Variants in EZH2 observed in about 807,000 individuals in gnomAD.
EZH2 encodes histone-lysine N-methyltransferase EZH2.
A neutral mutation model predicts 98.4 loss-of-function variants in EZH2; 18 were observed. The ratio of observed to expected loss-of-function variants is 0.18; its 90% CI spans 0.13 to 0.27. The LOEUF is 0.27. EZH2 is among the 10% of genes least tolerant of loss of function. The pLI, the probability that EZH2 is intolerant of heterozygous loss-of-function variation, is 1.00. For synonymous variants in EZH2, 338 were observed against 312.3 expected, an observed-to-expected ratio of 1.08 and a Z score of -0.87; for missense variants, 470 against 935.1, an observed-to-expected ratio of 0.50 and a Z score of 6.49.
intron 1 of EZH2, among the ~76,000 whole-genome samples, chr7:148,871,577 CTT>C (rs376098406): frequency 9.6e-5 from 13 of 135,212 alleles, no homozygotes; most frequent in Admixed American, 7.5e-5. Context: ...AGTGTATTTT[CTT>C]TTTTTTTTTT....
At chr7:148,851,325 T>A (rs769101309) in intron 1 of EZH2, among the ~76,000 whole-genome samples, 4 of 152,118 alleles carry the variant, frequency 2.6e-5, no homozygotes, top group Non-Finnish European at 4.4e-5. Flanking sequence ...GTTTCCGGAA[T>A]TTCTTTTTTA....
rs762768402 is a variant in EZH2, at chr7:148,817,378, C to T, written c.1254G>A (p.Arg418=). The change falls in exon 11 of 20, where the codon CGG becomes CGA. Residue 418 remains arginine (R), a synonymous_variant. Coordinates refer to ENST00000320356, the MANE Select transcript of EZH2 (RefSeq NM_004456.5). ...GCTTCATCTTTATTGGTGTTTGACA[C>T]CGAGAATTTGCTTCTACAAAACCAA... ...ETSSSSEANS[R]CQTPIKMKPN... 6.2e-7 allele frequency: 1 copy of T among 1,612,452 alleles called. No homozygotes were observed. Among genetic ancestry groups the T allele is most frequent in the African/African-American group, 1.3e-5 (1 of 74,850 alleles).
At chr7:148,834,352 TACAC>T (rs10542159) in intron 3 of EZH2, among the ~76,000 whole-genome samples, 23,502 of 143,162 alleles carry the variant, frequency 0.16, 1,943 homozygotes, top group Middle Eastern at 0.21. Context: ...TATATATATA[TACAC>T]ACACACACAC....
At chr7:148,845,483 G>C (rs1813768682) in intron 3 of EZH2, among the ~76,000 whole-genome samples, 1 of 152,112 alleles carries the variant, frequency 6.6e-6, no homozygotes, top group African/African-American at 2.4e-5. Flanking sequence ...TCACCATCAA[G>C]ACCACCAGAA....
rs60020948 is a variant in EZH2 at position 148,839,053 on chromosome 7, TAAGG to T, written c.247-6307_247-6304del. ...GGTAATAGAGCAAAACTCTGTCAAA[TAAGG>T]AAGGAAGGAAGGAAGGAAGGAAGGA... On this transcript the variant is annotated intron_variant, in intron 3 of 19. Transcript: ENST00000320356. 9.4e-3 allele frequency among the ~76,000 whole-genome samples: 1,009 copies of T among 107,804 alleles called. 6 individuals are homozygous for T. The highest frequency in any genetic ancestry group is 0.016 in the Admixed American group (155 of 9,842). 70.7% of individuals were successfully genotyped at this position (107,804 alleles called of 152,430 possible).
intron 3 of EZH2, among the ~76,000 whole-genome samples, chr7:148,835,766 T>C (rs1288686007): frequency 6.6e-6 from 1 of 152,198 alleles, no homozygotes; most frequent in Non-Finnish European, 1.5e-5. Flanking sequence ...GACTGACTTA[T>C]TCACCTGCTT....
chr7:148,832,442 T>C (rs879582642), intron 4 of EZH2, among the ~76,000 whole-genome samples, 192 bp downstream of exon 4: 5 of 152,164 alleles, frequency 3.3e-5, no homozygotes, highest in African/African-American at 7.2e-5. Context: ...TTGGAGAGTA[T>C]AGGAAAAGAG....
intron 8 of EZH2, among the ~76,000 whole-genome samples, chr7:148,823,977 C>T (rs1279008333): frequency 6.6e-6 from 1 of 152,036 alleles, no homozygotes; most frequent in Non-Finnish European, 1.5e-5. Context: ...CTACCGTATC[C>T]CCAAGATAAG....
intron 1 of EZH2, among the ~76,000 whole-genome samples, chr7:148,851,481 C>T (rs145395109): frequency 3.7e-4 from 57 of 152,294 alleles, no homozygotes; most frequent in African/African-American, 1.3e-3. Context: ...TGACCTCCTT[C>T]CCCCACAACA....
intron 1 of EZH2, among the ~76,000 whole-genome samples, chr7:148,864,704 A>T (rs571506002): frequency 1.3e-5 from 2 of 152,070 alleles, no homozygotes; most frequent in Admixed American, 6.5e-5. Context: ...AAAAAAGGAA[A>T]AAAAGAAAAA....
At chr7:148,817,140 A>G (rs1230897013) in intron 11 of EZH2, 82 bp downstream of exon 11, 37 of 1,355,064 alleles carry the variant, frequency 2.7e-5, no homozygotes, top group Non-Finnish European at 3.6e-5. Context: ...AATAACCAAG[A>G]ATTTTCTTTG....
intron 3 of EZH2, among the ~76,000 whole-genome samples, chr7:148,843,135 G>A (rs1336410375): frequency 6.6e-6 from 1 of 151,098 alleles, no homozygotes; most frequent in Non-Finnish European, 1.5e-5. Flanking sequence ...TTGAACCTGG[G>A]AGGCAGAGGT....
intron 1 of EZH2, among the ~76,000 whole-genome samples, chr7:148,877,282 T>C (rs995853924): frequency 4.6e-5 from 7 of 152,192 alleles, no homozygotes; most frequent in African/African-American, 1.7e-4. Flanking sequence ...ATTGTTTCAG[T>C]AGTTTAAAGC....
chr7:148,809,223 C>T lies in EZH2; in HGVS notation c.2111-68G>A, dbSNP rs942873461. On this transcript the variant is annotated intron_variant, in intron 18 of 19. Coordinates refer to ENST00000320356, the MANE Select transcript of EZH2 (RefSeq NM_004456.5). ...CACGGGGGGTTAACTGACTTGTTCACATAACAAACAACTATCCCAGAAGTA... is the reference window on the plus strand; with the variant it reads ...CACGGGGGGTTAACTGACTTGTTCATATAACAAACAACTATCCCAGAAGTA... The T allele has an allele frequency of 3.8e-6, 6 of 1,584,470 alleles. No individual in the cohort carries two copies. The African/African-American group carries it at 5.4e-5, about 14-fold the overall frequency.
chr7:148,832,859 A>T, intron 3 of EZH2, 109 bp from the exon 4 acceptor site: 1 of 623,196 alleles, frequency 1.6e-6, no homozygotes, highest in Non-Finnish European at 2.7e-6. Flanking sequence ...ATTTTGAAAA[A>T]AAAGTCCTTA....
intron 8 of EZH2, among the ~76,000 whole-genome samples, chr7:148,822,231 C>G (rs542627164): frequency 1.3e-5 from 2 of 152,128 alleles, no homozygotes; most frequent in East Asian, 3.9e-4. Context: ...TTAAACTGAC[C>G]AGGTGCAGTG....
chr7:148,847,280 T>C lies in EZH2; in HGVS notation c.19A>G (p.Lys7Glu). 1.2e-6 allele frequency: 2 copies of C among 1,614,022 alleles called. No individual in the cohort carries two copies. The highest frequency in any genetic ancestry group is 1.1e-5 in the South Asian group (1 of 91,064). MGQTGKKSEKGPVCWRK... is the reference protein window; with the variant it reads MGQTGKESEKGPVCWRK... The stretch of plus-strand genomic sequence containing the variant: ...CAACAAACTGGTCCCTTCTCAGATT[T>C]CTTCCCAGTCTGGCCCATGATTATT... The change falls in exon 2 of 20, where the codon AAA (lysine) becomes GAA (glutamate). Residue 7 changes from lysine (K) to glutamate (E), a missense_variant. Coordinates refer to ENST00000320356, the MANE Select transcript of EZH2 (RefSeq NM_004456.5).
At chr7:148,831,056 G>A (rs927447020) in intron 4 of EZH2, among the ~76,000 whole-genome samples, 2 of 152,136 alleles carry the variant, frequency 1.3e-5, no homozygotes, top group African/African-American at 4.8e-5. Context: ...CGTAGGCTCG[G>A]CCCAGCACTA....
chr7:148,816,609 A>G lies in EZH2; in HGVS notation c.1505+75T>C, dbSNP rs961782371. 3.9e-5 allele frequency: 42 copies of G among 1,086,828 alleles called. No homozygotes were observed. In the East Asian group the frequency reaches 9.7e-4, roughly 25 times the overall value. The allele number at this position is 1,086,828 out of a possible 1,614,324, so 67.3% of individuals were successfully genotyped here. A position where few individuals can be genotyped will look rare whatever the true frequency, so the allele number is the denominator to read the frequency against. ...AAAATAGACTAAGTAGAAACCAACA[A>G]CAGCCCTTAGGAAGGGCCTTGCCTG... On this transcript the variant is annotated intron_variant, in intron 12 of 19. Coordinates refer to ENST00000320356, the MANE Select transcript of EZH2 (RefSeq NM_004456.5).
Sources: allele counts gnomAD v4.1 joint callset (sites outside exome capture counted in the v4.1 genomes callset), GRCh38; gene constraint gnomAD v4.1.1; transcripts MANE v1.5; gene names NCBI Gene and HGNC (gene_info 2026-07-23, HGNC 2026-07-21).